OTOGL: variants seen among roughly 807,000 people sequenced by gnomAD.
The protein encoded by OTOGL is otogelin-like protein.
Under a neutral mutation model 318.5 loss-of-function variants are expected in OTOGL, and 285 were observed. That is an observed-to-expected ratio of 0.89 (90% CI 0.81 to 0.99). The LOEUF (loss-of-function observed/expected upper bound fraction) is 0.99. Among genes scored for constraint, OTOGL ranks in the 50% least tolerant of loss-of-function variants. The probability of loss-of-function intolerance (pLI) is 0.00; values close to 1 mark genes in which losing one functional copy is unlikely to be tolerated. For missense variants in OTOGL, 2,899 were observed against 2,845.6 expected (o/e 1.02, Z -0.43); for synonymous variants, 987 against 936.5 (o/e 1.05, Z -0.99).
chr12:80,372,845 C>T (rs572842762), intron 57 of OTOGL, among the ~76,000 whole-genome samples: 8 of 152,042 alleles, frequency 5.3e-5, no homozygotes, highest in South Asian at 4.2e-4. Context: ...TGCGCCATCA[C>T]GTCCGGCTAA....
At chr12:80,102,781 G>A (rs1869216474) in intron 1 of OTOGL, 1 of 612,408 alleles carries the variant, frequency 1.6e-6, no homozygotes, top group East Asian at 2.7e-5. Context: ...ACTGATGGAT[G>A]GACTAGTTTC....
chr12:80,154,339 T>C (rs1473965085), intron 1 of OTOGL, among the ~76,000 whole-genome samples: 1 of 152,124 alleles, frequency 6.6e-6, no homozygotes, highest in Non-Finnish European at 1.5e-5. Context: ...CTTGGACTAT[T>C]TCTTGTAAAT....
Position 80,265,202 on chromosome 12 carries a change from C to A in OTOGL, c.2216C>A (p.Ser739Tyr). Residue 739 changes from serine (S) to tyrosine (Y), a missense_variant, in exon 20 of 59, where the codon TCT becomes TAT. Ser to Tyr is a moderately radical substitution (Grantham distance 144). Around this residue, in one of 3 missense-constraint regions of OTOGL, gnomAD observed 2,607 missense variants for 2,524.9 expected, o/e 1.03. Transcript: ENST00000547103. ...CCCATTGATTTCAGAACTCAGATTT[C>A]TTTCTGTGGTGAGTACAATGGCACA... ...GVPIDFRTQISFCAVVCQKGM... is the reference protein window; with the variant it reads ...GVPIDFRTQIYFCAVVCQKGM... 1.2e-6 allele frequency: 2 copies of A among 1,613,100 alleles called. No individual in the cohort carries two copies. The highest frequency in any genetic ancestry group is 1.7e-6 in the Non-Finnish European group (2 of 1,179,454).
chr12:80,358,970 A>G, intron 52 of OTOGL, 70 bp downstream of exon 52: 2 of 1,237,804 alleles, frequency 1.6e-6, no homozygotes, highest in Non-Finnish European at 2.2e-6. Flanking sequence ...TATCTCTCTC[A>G]TTTCTAAATT....
intron 1 of OTOGL, among the ~76,000 whole-genome samples, chr12:80,165,246 A>G (rs1334560999): frequency 6.6e-6 from 1 of 152,180 alleles, no homozygotes; most frequent in Non-Finnish European, 1.5e-5. Flanking sequence ...AAGAGATTGA[A>G]ATGACATGTG....
At chr12:80,309,866 T>C (rs1157889189) in intron 29 of OTOGL, among the ~76,000 whole-genome samples, 1 of 152,028 alleles carries the variant, frequency 6.6e-6, no homozygotes, top group African/African-American at 2.4e-5. Flanking sequence ...GGGATGGACA[T>C]AGGGATATGG....
At position 80,128,970 on chromosome 12, in the gene OTOGL, C is replaced by T. The variant is rs867831974; in HGVS notation, c.-20+29365C>T. Among the ~76,000 whole-genome samples the T allele has an allele frequency of 7.9e-5, 12 of 152,294 alleles. No individual in the cohort carries two copies. The East Asian group carries it at 2.3e-3, about 29-fold the overall frequency. On this transcript the variant is annotated intron_variant, in intron 1 of 58. Transcript: ENST00000547103. ...TTCCTTGGCTAGGAAAGGGAATTCC[C>T]TGACCCCTTGTGCTTCCTGGGTGAG...
chr12:80,170,678 C>T (rs1186772237), intron 1 of OTOGL, among the ~76,000 whole-genome samples: 1 of 152,088 alleles, frequency 6.6e-6, no homozygotes, highest in Non-Finnish European at 1.5e-5. Flanking sequence ...AGGTGATCTT[C>T]CCGCCTCGGC....
intron 1 of OTOGL, among the ~76,000 whole-genome samples, chr12:80,205,263 C>T (rs1051661054): frequency 3.9e-5 from 6 of 152,062 alleles, no homozygotes; most frequent in East Asian, 1.9e-4. Flanking sequence ...AAACTGAACT[C>T]GATGCTAAAA....
chr12:80,303,128 A>T lies in OTOGL; in HGVS notation c.3213+345A>T, dbSNP rs574911781. Reference sequence around the variant, plus strand: ...TTTCCTCCACATTCTGGATATATATATTTTTAAGTTTACATGCAGTAAAAT... The same window carrying T: ...TTTCCTCCACATTCTGGATATATATTTTTTTAAGTTTACATGCAGTAAAAT... On this transcript the variant is annotated intron_variant, in intron 28 of 58. Coordinates refer to ENST00000547103, the MANE Select transcript of OTOGL (RefSeq NM_001378609.3). Among the ~76,000 whole-genome samples, 6 of 152,236 alleles carry T rather than the reference A, an allele frequency of 3.9e-5. No individual in the cohort carries two copies. In the East Asian group the frequency reaches 9.7e-4, roughly 24 times the overall value.
intron 7 of OTOGL, among the ~76,000 whole-genome samples, chr12:80,225,083 AT>A (rs1483692656): frequency 6.6e-6 from 1 of 152,080 alleles, no homozygotes; most frequent in African/African-American, 2.4e-5. Context: ...TAACAAATGT[AT>A]TTAAAGTAAA....
chr12:80,356,952 A>G lies in OTOGL; in HGVS notation c.6019+38A>G. On this transcript the variant is annotated intron_variant, in intron 49 of 58. Coordinates refer to ENST00000547103, the MANE Select transcript of OTOGL (RefSeq NM_001378609.3). ...GAGATAATTTCTTGGAAGAAGAGAAAGGATCTAGGAAAAAAATCTCTTATT... is the reference window on the plus strand; with the variant it reads ...GAGATAATTTCTTGGAAGAAGAGAAGGGATCTAGGAAAAAAATCTCTTATT... 3 of 1,306,386 alleles carry G rather than the reference A, an allele frequency of 2.3e-6. 1 individual carries two copies. The highest frequency in any genetic ancestry group is 3.1e-5 in the South Asian group (2 of 63,812). 80.9% of individuals were successfully genotyped at this position (1,306,386 alleles called of 1,614,324 possible).
At chr12:80,202,638 T>A (rs774452332) in intron 1 of OTOGL, among the ~76,000 whole-genome samples, 14 of 152,170 alleles carry the variant, frequency 9.2e-5, no homozygotes, top group Non-Finnish European at 1.8e-4. Context: ...ATGTATGCAT[T>A]CCAATTCTCC....
At position 80,356,859 on chromosome 12, in the gene OTOGL, T is replaced by C; in HGVS notation, c.5964T>C (p.Asp1988=). 1 of 1,600,498 alleles carries C rather than the reference T, an allele frequency of 6.2e-7. No individual in the cohort carries two copies. The highest frequency in any genetic ancestry group is 8.5e-7 in the Non-Finnish European group (1 of 1,173,228). The change falls in exon 49 of 59, where the codon GAT becomes GAC. Residue 1988 remains aspartate (D), a synonymous_variant. Transcript: ENST00000547103. ...TTTCAACACCAGAATGCAGAGAAGA[T>C]CAATTCATGATTCAAGTTCGACAGG... The part of the protein sequence containing the change: ...PSISTPECRE[D]QFMIQVRQEE...
intron 11 of OTOGL, among the ~76,000 whole-genome samples, chr12:80,246,141 G>C (rs1880860149): frequency 6.6e-6 from 1 of 151,426 alleles, no homozygotes; most frequent in South Asian, 2.1e-4. Flanking sequence ...TTTCCTAATT[G>C]AATACCCTTT....
At chr12:80,145,495 G>A (rs1380250057) in intron 1 of OTOGL, among the ~76,000 whole-genome samples, 1 of 151,880 alleles carries the variant, frequency 6.6e-6, no homozygotes. Flanking sequence ...GTAGTGTGAT[G>A]CCTCCAGCTT....
Position 80,273,306 on chromosome 12 carries a change from C to A in OTOGL, c.2681+1496C>A, listed in dbSNP as rs550570068. ...CTGTCTTCTATGTGACCTTGTCTGG[C>A]TCATTTTGGCAAAATAGTCCAGTGT... is the stretch of plus-strand genomic sequence containing the variant. On this transcript the variant is annotated intron_variant, in intron 24 of 58. Transcript: ENST00000547103. Among the ~76,000 whole-genome samples the A allele has an allele frequency of 1.2e-4, 18 of 152,192 alleles. No individual in the cohort carries two copies. In the South Asian group the frequency reaches 3.7e-3, roughly 32 times the overall value.
rs761378245 is a variant in OTOGL, at chr12:80,256,351, C to A, written c.1602C>A (p.Val534=). 1 of 1,596,038 alleles carries A rather than the reference C, an allele frequency of 6.3e-7. No individual in the cohort carries two copies. Among genetic ancestry groups the A allele is most frequent in the Middle Eastern group, 1.7e-4 (1 of 6,050 alleles). Residue 534 remains valine, a synonymous_variant, in exon 17 of 59, where the codon GTC becomes GTA. Coordinates refer to ENST00000547103, the MANE Select transcript of OTOGL (RefSeq NM_001378609.3). ...KAPCEQNLGL[V]CLQSITLILE... ...TTTTTACGCAGAATCTTGGCTTGGT[C>A]TGCCTTCAGTCTATAACTCTGATTC...
At chr12:80,147,497 G>A (rs1872471280) in intron 1 of OTOGL, among the ~76,000 whole-genome samples, 1 of 151,300 alleles carries the variant, frequency 6.6e-6, no homozygotes, top group Admixed American at 6.6e-5. Flanking sequence ...TTTTGGAATA[G>A]GTGTGGTGTG....
Sources: gnomAD v4.1 joint callset for allele counts (sites outside exome capture counted in the v4.1 genomes callset) on GRCh38, gnomAD v4.1.1 for gene constraint, gnomAD v4.1.1 regional missense constraint, MANE v1.5 for transcripts, NCBI Gene and HGNC (gene_info 2026-07-23, HGNC 2026-07-21) for gene names.